The following CDKAL1 variants were observed in gnomAD, a reference collection of about 807,000 sequenced individuals.
CDKAL1 encodes the protein threonylcarbamoyladenosine tRNA methylthiotransferase.
A neutral mutation model predicts 68.2 loss-of-function variants in CDKAL1; 32 were observed. The observed-to-expected ratio is 0.47, with a 90% CI of 0.35 to 0.63. CDKAL1 has a LOEUF of 0.63. CDKAL1 is among the 30% of genes least tolerant of loss of function. The pLI is 0.00. For synonymous variants in CDKAL1, 234 were observed against 244.3 expected (o/e 0.96, Z 0.39); for missense variants, 606 against 696.7 (o/e 0.87, Z 1.47).
At chr6:20,645,459 C>T (rs1224855076) in intron 4 of CDKAL1, among the ~76,000 whole-genome samples, 2 of 152,008 alleles carry the variant, frequency 1.3e-5, no homozygotes, top group African/African-American at 4.8e-5. Flanking sequence ...TGGCCAGGCG[C>T]AGTGGCTCAC....
intron 12 of CDKAL1, among the ~76,000 whole-genome samples, chr6:21,097,899 G>C (rs992358241): frequency 1.3e-5 from 2 of 152,202 alleles, no homozygotes; most frequent in Non-Finnish European, 2.9e-5. Flanking sequence ...ATTTGCATTT[G>C]AGTTAGTAAT....
chr6:20,780,663 T>C (rs1455753630), intron 7 of CDKAL1, among the ~76,000 whole-genome samples: 6 of 91,806 alleles, frequency 6.5e-5, no homozygotes, highest in Non-Finnish European at 1.2e-4. Context: ...TTTTTTCATT[T>C]CTTTTTCTTT....
At chr6:20,555,017 T>C in intron 4 of CDKAL1, among the ~76,000 whole-genome samples, 1 of 152,214 alleles carries the variant, frequency 6.6e-6, no homozygotes, top group East Asian at 1.9e-4. Context: ...TATTTAAAAA[T>C]TGCTGAGCTG....
intron 4 of CDKAL1, among the ~76,000 whole-genome samples, chr6:20,625,454 C>A (rs1367631063): frequency 6.6e-6 from 1 of 152,016 alleles, no homozygotes; most frequent in Non-Finnish European, 1.5e-5. Context: ...ACCGCCTGGG[C>A]AGTATGTGGA....
chr6:20,569,489 C>G (rs1389071943), intron 4 of CDKAL1, among the ~76,000 whole-genome samples: 3 of 152,164 alleles, frequency 2.0e-5, no homozygotes, highest in Admixed American at 2.0e-4. Context: ...TGGTCAAGAG[C>G]ATTTCGAGTG....
At chr6:20,693,365 G>T (rs1770961068) in intron 5 of CDKAL1, among the ~76,000 whole-genome samples, 1 of 151,930 alleles carries the variant, frequency 6.6e-6, no homozygotes. Flanking sequence ...CTGATAATTT[G>T]CCCAGTTGAA....
rs539813548 is a variant in CDKAL1 at position 20,894,961 on chromosome 6, A to G, written c.742+48783A>G. ...TTTTTGTTTTTGTTTTTTTAATGAA[A>G]TAATATGTTACAGATAAAGTTGAAG... On this transcript the variant is annotated intron_variant, in intron 9 of 15. Transcript: ENST00000274695. 5.9e-5 allele frequency among the ~76,000 whole-genome samples: 9 copies of G among 152,258 alleles called. No homozygotes were observed. The East Asian group carries it at 1.7e-3, about 29-fold the overall frequency.
intron 7 of CDKAL1, among the ~76,000 whole-genome samples, chr6:20,770,388 A>G (rs762338028): frequency 2.6e-5 from 4 of 152,230 alleles, no homozygotes; most frequent in Non-Finnish European, 4.4e-5. Context: ...CTTTGTATAT[A>G]GAGTTTTTAC....
chr6:20,802,997 G>C (rs1212408460), intron 8 of CDKAL1, among the ~76,000 whole-genome samples: 1 of 152,110 alleles, frequency 6.6e-6, no homozygotes, highest in African/African-American at 2.4e-5. Context: ...GACAGTAATG[G>C]GCTTGACCTA....
chr6:20,700,369 A>AAT (rs1554182602), intron 5 of CDKAL1, among the ~76,000 whole-genome samples: 2 of 149,878 alleles, frequency 1.3e-5, no homozygotes, highest in East Asian at 1.9e-4. Context: ...AAAAAAAAAA[A>AAT]AAATAAATAA....
chr6:20,826,805 A>G (rs1262615547), intron 8 of CDKAL1, among the ~76,000 whole-genome samples: 1 of 152,076 alleles, frequency 6.6e-6, no homozygotes, highest in Non-Finnish European at 1.5e-5. Flanking sequence ...AGATTTATGT[A>G]TTTACTTTTT....
At chr6:20,546,286 A>G (rs1763599356) in intron 2 of CDKAL1, 60 bp from the exon 3 acceptor site, 1 of 1,266,522 alleles carries the variant, frequency 7.9e-7, no homozygotes, top group Non-Finnish European at 1.1e-6. Flanking sequence ...TATTTCATAA[A>G]TGATGCTACG....
intron 5 of CDKAL1, among the ~76,000 whole-genome samples, chr6:20,681,899 C>T (rs1334015365): frequency 6.6e-6 from 1 of 152,264 alleles, no homozygotes; most frequent in East Asian, 1.9e-4. Flanking sequence ...TCTCACAATA[C>T]TGGAGGCTGG....
intron 12 of CDKAL1, among the ~76,000 whole-genome samples, chr6:21,103,644 C>T (rs573658050): frequency 3.0e-4 from 45 of 152,096 alleles, no homozygotes; most frequent in Non-Finnish European, 5.3e-4. Context: ...TTTAAATATC[C>T]TCTCATCTCT....
In CDKAL1 at chr6:20,730,023, T is replaced by A. The variant is rs975904979; in HGVS notation, c.372-9496T>A. ...GGAGACAGACTATTAAAAGGTTAAA[T>A]AAGAAAATTACATTGGCCTGGCACA... On this transcript the variant is annotated intron_variant, in intron 5 of 15. Coordinates refer to ENST00000274695, the MANE Select transcript of CDKAL1 (RefSeq NM_017774.3). 2.6e-5 allele frequency among the ~76,000 whole-genome samples: 4 copies of A among 151,998 alleles called. No homozygotes were observed. In the South Asian group the frequency reaches 8.3e-4, roughly 32 times the overall value.
rs1268110057 is a variant in CDKAL1 at position 20,975,374 on chromosome 6, CT to C, written c.909+19797del. 3.3e-5 allele frequency among the ~76,000 whole-genome samples: 5 copies of C among 151,982 alleles called. No homozygotes were observed. The East Asian group carries it at 7.7e-4, about 24-fold the overall frequency. ...AAGTTTGCTTGGTATTTAGTAGTCC[CT>C]TTTTTTTGAAACTGTGTCTGTGATA... is the stretch of plus-strand genomic sequence containing the variant. On this transcript the variant is annotated intron_variant, in intron 10 of 15. Coordinates refer to ENST00000274695, the MANE Select transcript of CDKAL1 (RefSeq NM_017774.3).
At chr6:21,057,965 G>A (rs1195296838) in intron 11 of CDKAL1, among the ~76,000 whole-genome samples, 1 of 152,216 alleles carries the variant, frequency 6.6e-6, no homozygotes, top group South Asian at 2.1e-4. Context: ...GTGCCATGTG[G>A]CACCAAGAAG....
At chr6:20,748,492 T>TCCAGGCTGTGGCGA (rs1773757288) in intron 6 of CDKAL1, among the ~76,000 whole-genome samples, 1 of 139,340 alleles carries the variant, frequency 7.2e-6, no homozygotes, top group African/African-American at 2.7e-5. Flanking sequence ...TGTGGCGAGT[T>TCCAGGCTGTGGCGA]GTTGTGATTG....
intron 8 of CDKAL1, among the ~76,000 whole-genome samples, chr6:20,789,725 G>A (rs1775819075): frequency 6.6e-6 from 1 of 152,176 alleles, no homozygotes; most frequent in Non-Finnish European, 1.5e-5. Context: ...CTCAAATTTA[G>A]GCAAACCATT....
Sources: gnomAD v4.1 joint callset for allele counts (sites outside exome capture counted in the v4.1 genomes callset) on GRCh38, gnomAD v4.1.1 for gene constraint, MANE v1.5 for transcripts, NCBI Gene and HGNC (gene_info 2026-07-23, HGNC 2026-07-21) for gene names.